The following CRTC3 variants were observed in gnomAD, a reference collection of about 807,000 sequenced individuals.
CRTC3 encodes the protein CREB regulated transcription coactivator 3.
Under a neutral mutation model 74.5 loss-of-function variants are expected in CRTC3, and 26 were observed. The ratio of observed to expected loss-of-function variants is 0.35; its 90% confidence interval spans 0.26 to 0.48. The LOEUF (loss-of-function observed/expected upper bound fraction) is 0.48. Among genes scored for constraint, CRTC3 ranks in the 20% least tolerant of loss-of-function variants. The pLI, the probability that CRTC3 is intolerant of heterozygous loss-of-function variation, is 0.99. For synonymous variants in CRTC3, 377 were observed against 325.8 expected, an observed-to-expected ratio of 1.16 and a Z score of -1.69; for missense variants, 760 against 787.3, an observed-to-expected ratio of 0.97 and a Z score of 0.41.
chr15:90,632,396 G>A (rs1969071787), intron 11 of CRTC3, among the ~76,000 whole-genome samples: 1 of 152,066 alleles, frequency 6.6e-6, no homozygotes, highest in South Asian at 2.1e-4. Flanking sequence ...CGGAGTTCAA[G>A]ACCAGCCTTG....
At chr15:90,615,512 C>A (rs1414333051) in intron 7 of CRTC3, among the ~76,000 whole-genome samples, 1 of 152,254 alleles carries the variant, frequency 6.6e-6, no homozygotes, top group African/African-American at 2.4e-5. Context: ...CTTTTCTGGG[C>A]AAGCCCTTTT....
chr15:90,626,873 C>T (rs1968853322), intron 10 of CRTC3, among the ~76,000 whole-genome samples: 2 of 152,222 alleles, frequency 1.3e-5, no homozygotes, highest in Non-Finnish European at 2.9e-5. Context: ...CCTTGGCCTC[C>T]CAAAGTGCTG....
intron 11 of CRTC3, 35 bp from the exon 12 acceptor site, chr15:90,638,411 A>C (rs773086334): frequency 1.3e-6 from 2 of 1,583,770 alleles, no homozygotes; most frequent in Non-Finnish European, 1.7e-6. Flanking sequence ...AGAAACGCAG[A>C]AGCTCATTAG....
chr15:90,629,089 G>A (rs1968941402), intron 10 of CRTC3, 145 bp from the exon 11 acceptor site: 1 of 690,504 alleles, frequency 1.4e-6, no homozygotes, highest in Admixed American at 2.9e-5. Context: ...TGCATCGGAT[G>A]CAGTCCCTGT....
intron 2 of CRTC3, among the ~76,000 whole-genome samples, chr15:90,557,228 C>G (rs1370181634): frequency 1.3e-5 from 2 of 152,106 alleles, no homozygotes; most frequent in African/African-American, 2.4e-5. Flanking sequence ...AGCTTAGCAT[C>G]TTTCCTTAAC....
intron 6 of CRTC3, chr15:90,614,096 A>C (rs114630734): frequency 0.013 from 2,562 of 204,708 alleles, 68 homozygotes; most frequent in African/African-American, 0.056. Flanking sequence ...CCTGCTCTTA[A>C]CCCCATGATG....
intron 3 of CRTC3, chr15:90,598,291 A>G (rs1011152864): frequency 1.3e-5 from 8 of 617,394 alleles, no homozygotes; most frequent in Admixed American, 7.9e-5. Context: ...CAAGCAGCAC[A>G]AAGAAAGGGC....
At chr15:90,617,825 C>G in intron 7 of CRTC3, 58 bp from the exon 8 acceptor site, 1 of 1,207,388 alleles carries the variant, frequency 8.3e-7, no homozygotes, top group East Asian at 2.3e-5. Context: ...GCCACCGTGC[C>G]CGGCCTGGAT....
At chr15:90,580,530 C>T (rs1967514359) in intron 2 of CRTC3, among the ~76,000 whole-genome samples, 1 of 151,612 alleles carries the variant, frequency 6.6e-6, no homozygotes, top group African/African-American at 2.4e-5. Context: ...TGGGTTCAAG[C>T]GATTCTCCTG....
At position 90,597,559 on chromosome 15, in the gene CRTC3, A is replaced by G. The variant is rs762693547; in HGVS notation, c.351+3804A>G. On this transcript the variant is annotated intron_variant, in intron 3 of 14. Coordinates refer to ENST00000268184, the MANE Select transcript of CRTC3 (RefSeq NM_022769.5). ...ATAGGACACTGTTTCTTTGAGATGC[A>G]TGGCCTATTACATTTGAGAAACACC... Among the ~76,000 whole-genome samples, 57 of 152,162 alleles carry G rather than the reference A, an allele frequency of 3.7e-4. 1 individual carries two copies. Among genetic ancestry groups the G allele is most frequent in the Admixed American group, 9.8e-4 (15 of 15,274 alleles).
At chr15:90,618,037 C>A in intron 8 of CRTC3, 69 bp downstream of exon 8, 1 of 1,033,588 alleles carries the variant, frequency 9.7e-7, no homozygotes, top group Non-Finnish European at 1.5e-6. Context: ...TTGAAAAATC[C>A]TGCAGAGGTG....
intron 2 of CRTC3, among the ~76,000 whole-genome samples, chr15:90,552,269 G>T (rs191132855): frequency 6.6e-6 from 1 of 152,250 alleles, no homozygotes; most frequent in Admixed American, 6.5e-5. Flanking sequence ...GCCGGCATCT[G>T]GCCACTGCCC....
chr15:90,555,518 C>G (rs1322651459), intron 2 of CRTC3, among the ~76,000 whole-genome samples: 5 of 151,730 alleles, frequency 3.3e-5, no homozygotes, highest in Admixed American at 6.6e-5. Context: ...TTTTCTTTTT[C>G]TTTTATTTTT....
At chr15:90,621,026 C>T (rs1420802553) in intron 9 of CRTC3, among the ~76,000 whole-genome samples, 1 of 152,124 alleles carries the variant, frequency 6.6e-6, no homozygotes, top group African/African-American at 2.4e-5. Context: ...GTGGGCAAGC[C>T]TGCCAGGACG....
intron 13 of CRTC3, among the ~76,000 whole-genome samples, chr15:90,640,140 C>T (rs1431582887): frequency 6.6e-6 from 1 of 152,154 alleles, no homozygotes; most frequent in East Asian, 1.9e-4. Context: ...AAGAACCAAT[C>T]CTCCTTGCCT....
chr15:90,590,033 G>A (rs1285960146), intron 2 of CRTC3, among the ~76,000 whole-genome samples: 1 of 151,976 alleles, frequency 6.6e-6, no homozygotes, highest in East Asian at 1.9e-4. Context: ...GCTCATGCCT[G>A]TAATCCCAGT....
chr15:90,619,858 C>A, intron 9 of CRTC3, 68 bp downstream of exon 9: 1 of 1,335,138 alleles, frequency 7.5e-7, no homozygotes, highest in Non-Finnish European at 1.1e-6. Context: ...AGTCTCGCTG[C>A]TTTGTTACAG....
intron 9 of CRTC3, among the ~76,000 whole-genome samples, chr15:90,620,851 T>A (rs1305424866): frequency 2.0e-5 from 3 of 152,134 alleles, no homozygotes; most frequent in Non-Finnish European, 2.9e-5. Context: ...CAAGCAGTCA[T>A]TGAATGTGAT....
At chr15:90,602,447 T>C in intron 4 of CRTC3, 62 bp downstream of exon 4, 1 of 911,606 alleles carries the variant, frequency 1.1e-6, no homozygotes. Flanking sequence ...AATTTCACTT[T>C]ATCCACTTTG....
Sources: allele counts gnomAD v4.1 joint callset (sites outside exome capture counted in the v4.1 genomes callset), GRCh38; gene constraint gnomAD v4.1.1; transcripts MANE v1.5; gene names NCBI Gene and HGNC (gene_info 2026-07-23, HGNC 2026-07-21).